The following DENND1B variants were observed in gnomAD, a reference collection of about 807,000 sequenced individuals.
DENND1B encodes DENN domain containing 1B.
A neutral mutation model predicts 90.1 loss-of-function variants in DENND1B; 59 were observed. The ratio of observed to expected loss-of-function variants is 0.65; its 90% CI spans 0.53 to 0.81. The LOEUF (loss-of-function observed/expected upper bound fraction) is 0.81. Among genes scored for constraint, DENND1B ranks in the 40% least tolerant of loss-of-function variants. The pLI is 0.00. For synonymous variants in DENND1B, 337 were observed against 324.6 expected (o/e 1.04, Z -0.41); for missense variants, 862 against 912.6 (o/e 0.94, Z 0.71).
At chr1:197,738,827 G>C (rs1026803790) in intron 2 of DENND1B, among the ~76,000 whole-genome samples, 1 of 152,208 alleles carries the variant, frequency 6.6e-6, no homozygotes. Flanking sequence ...ATCCCTGACA[G>C]AGATAAAACA....
chr1:197,659,418 G>A (rs186106745), intron 5 of DENND1B, among the ~76,000 whole-genome samples: 141 of 151,964 alleles, frequency 9.3e-4, no homozygotes, highest in African/African-American at 3.4e-3. Context: ...TTACTCAGCA[G>A]AATGTTATAG....
intron 2 of DENND1B, among the ~76,000 whole-genome samples, chr1:197,763,981 A>G (rs1245972389): frequency 6.6e-6 from 1 of 152,214 alleles, no homozygotes; most frequent in Non-Finnish European, 1.5e-5. Context: ...AATACTTTCT[A>G]TGGTGTTTAA....
chr1:197,549,571 T>C (rs1671065802), intron 16 of DENND1B, among the ~76,000 whole-genome samples: 2 of 152,224 alleles, frequency 1.3e-5, no homozygotes, highest in South Asian at 4.1e-4. Context: ...AAAAAAGTAT[T>C]TAAAGAAAGA....
chr1:197,734,551 T>A, intron 2 of DENND1B: 1 of 976,344 alleles, frequency 1.0e-6, no homozygotes, highest in Non-Finnish European at 1.2e-6. Context: ...TTTGTGTTAT[T>A]GGTATAAAAA....
intron 15 of DENND1B, among the ~76,000 whole-genome samples, chr1:197,555,768 A>G (rs1450352802): frequency 6.6e-6 from 1 of 152,164 alleles, no homozygotes; most frequent in African/African-American, 2.4e-5. Flanking sequence ...AGTGCAAATT[A>G]GTTCAGGCCC....
chr1:197,624,143 G>A (rs977163329), intron 10 of DENND1B, among the ~76,000 whole-genome samples: 1 of 151,606 alleles, frequency 6.6e-6, no homozygotes, highest in African/African-American at 2.4e-5. Context: ...CAAAGTTGGA[G>A]GACTGACACT....
At chr1:197,661,633 G>A (rs1654418339) in intron 5 of DENND1B, among the ~76,000 whole-genome samples, 1 of 152,026 alleles carries the variant, frequency 6.6e-6, no homozygotes, top group Non-Finnish European at 1.5e-5. Context: ...TTTAAATAAA[G>A]TGAGGCCTTT....
At chr1:197,560,733 T>C (rs754151711) in intron 15 of DENND1B, among the ~76,000 whole-genome samples, 54 of 151,892 alleles carry the variant, frequency 3.6e-4, no homozygotes, top group Non-Finnish European at 6.0e-4. Context: ...CAACCTCCAA[T>C]AGGATTTGAA....
At chr1:197,780,323 T>C (rs1000332903), upstream of DENND1B, among the ~76,000 whole-genome samples, 1 of 150,200 alleles carries the variant, frequency 6.7e-6, no homozygotes, top group Non-Finnish European at 1.5e-5. Context: ...GAAAGGTGGC[T>C]TTTCTTTTTT....
intron 2 of DENND1B, among the ~76,000 whole-genome samples, chr1:197,759,112 A>T (rs1654682161): frequency 6.6e-6 from 1 of 151,464 alleles, no homozygotes; most frequent in Non-Finnish European, 1.5e-5. Flanking sequence ...TGGGGACTAC[A>T]GGTGCACACC....
intron 16 of DENND1B, among the ~76,000 whole-genome samples, chr1:197,550,926 A>C (rs1335538547): frequency 6.6e-6 from 1 of 152,042 alleles, no homozygotes; most frequent in African/African-American, 2.4e-5. Flanking sequence ...AGCAATTATT[A>C]TATTACTATT....
In DENND1B at chr1:197,509,430, T is replaced by C. The variant is rs1004780884; in HGVS notation, c.*1030A>G. The C allele has an allele frequency of 7.2e-5, 11 of 151,760 alleles. No individual in the cohort carries two copies. The highest frequency in any genetic ancestry group is 1.6e-4 in the Non-Finnish European group (11 of 67,826). The allele number at this position is 151,760 out of a possible 1,614,324, so 9.4% of individuals were successfully genotyped here. A position where few individuals can be genotyped will look rare whatever the true frequency, so the allele number is the denominator to read the frequency against. ...CTGAATAAAGTATGGAATATCAATA[T>C]TGGTTCACTAATTGGGGCAGATGTA... On this transcript the variant is annotated 3_prime_UTR_variant, in exon 23 of 23. Coordinates refer to ENST00000620048, the MANE Select transcript of DENND1B (RefSeq NM_001195215.2).
chr1:197,610,958 C>A (rs755567379), intron 12 of DENND1B, among the ~76,000 whole-genome samples: 2 of 150,608 alleles, frequency 1.3e-5, no homozygotes, highest in African/African-American at 4.9e-5. Context: ...GAGTACCGGT[C>A]GGAATCCACA....
chr1:197,594,211 T>G (rs1675485068), intron 14 of DENND1B, among the ~76,000 whole-genome samples: 1 of 152,156 alleles, frequency 6.6e-6, no homozygotes, highest in Non-Finnish European at 1.5e-5. Flanking sequence ...TTCCAATAAT[T>G]AGATGACCTT....
At position 197,775,449 on chromosome 1, in the gene DENND1B, G is replaced by A. The variant is rs1657201627; in HGVS notation, c.-294C>T. The stretch of plus-strand genomic sequence containing the variant: ...GAGGCCTCTCAGTTCCTGCGACCGG[G>A]GCCGCCCGCTGCGGCTCCTGCACCT... On this transcript the variant is annotated 5_prime_UTR_variant, in exon 1 of 23. Coordinates refer to ENST00000620048, the MANE Select transcript of DENND1B (RefSeq NM_001195215.2). 3.5e-6 allele frequency: 1 copy of A among 282,608 alleles called. No homozygotes were observed. Among genetic ancestry groups the A allele is most frequent in the Non-Finnish European group, 6.6e-6 (1 of 151,904 alleles). 17.5% of individuals were successfully genotyped at this position (282,608 alleles called of 1,614,324 possible).
chr1:197,741,809 C>A (rs1011793837), intron 2 of DENND1B, among the ~76,000 whole-genome samples: 1 of 152,122 alleles, frequency 6.6e-6, no homozygotes, highest in Non-Finnish European at 1.5e-5. Context: ...TGGCAACCCA[C>A]ACCTATGGTA....
chr1:197,659,921 C>G (rs1272647753), intron 5 of DENND1B, among the ~76,000 whole-genome samples: 6 of 151,478 alleles, frequency 4.0e-5, no homozygotes, highest in Non-Finnish European at 5.9e-5. Flanking sequence ...TTTGAGGAAA[C>G]ACAAATACAA....
At chr1:197,534,206 C>T (rs1669716503) in intron 20 of DENND1B, among the ~76,000 whole-genome samples, 1 of 152,208 alleles carries the variant, frequency 6.6e-6, no homozygotes, top group Non-Finnish European at 1.5e-5. Flanking sequence ...TGCTACTCTT[C>T]AGTAGCCTTA....
At chr1:197,526,850 A>G (rs1467099424) in intron 20 of DENND1B, among the ~76,000 whole-genome samples, 2 of 152,142 alleles carry the variant, frequency 1.3e-5, no homozygotes, top group African/African-American at 2.4e-5. Flanking sequence ...TGACAATATA[A>G]AGGTCTCAAT....
Sources: gnomAD v4.1 joint callset for allele counts (sites outside exome capture counted in the v4.1 genomes callset) on GRCh38, gnomAD v4.1.1 for gene constraint, MANE v1.5 for transcripts, NCBI Gene and HGNC (gene_info 2026-07-23, HGNC 2026-07-21) for gene names.